Variants in GTF2A1L observed in about 807,000 individuals in gnomAD.
GTF2A1L encodes general transcription factor IIA subunit 1 like.
Under a neutral mutation model 49.7 loss-of-function variants are expected in GTF2A1L, and 48 were observed. That is an observed-to-expected ratio of 0.97 (90% CI 0.77 to 1.23). GTF2A1L has a LOEUF of 1.23. Ranked by LOEUF, GTF2A1L falls within the 50% of genes most tolerant of loss-of-function variation. The pLI is 0.00. For missense variants in GTF2A1L, 736 were observed against 564.8 expected (o/e 1.30, Z -3.07); for synonymous variants, 246 against 193.5 (o/e 1.27, Z -2.25).
At chr2:48,668,837 AAAATAAAT>A (rs10529379) in intron 6 of GTF2A1L, among the ~76,000 whole-genome samples, 6 of 150,444 alleles carry the variant, frequency 4.0e-5, no homozygotes, top group East Asian at 1.9e-4. Flanking sequence ...CCCGCCTCAA[AAAATAAAT>A]AAATAAATAA....
chr2:48,645,311 C>G (rs1006173002), intron 5 of GTF2A1L, among the ~76,000 whole-genome samples, 194 bp downstream of exon 5: 1 of 152,086 alleles, frequency 6.6e-6, no homozygotes, highest in Non-Finnish European at 1.5e-5. Context: ...CTGTACTAGG[C>G]CTGTCCTATA....
intron 8 of GTF2A1L, 105 bp from the exon 9 acceptor site, chr2:48,679,230 C>T: frequency 1.4e-6 from 2 of 1,409,324 alleles, no homozygotes; most frequent in Middle Eastern, 2.6e-4. Flanking sequence ...AATTTTAAGG[C>T]ACTCACATTT....
intron 8 of GTF2A1L, among the ~76,000 whole-genome samples, chr2:48,673,756 G>C (rs1679300683): frequency 6.6e-6 from 1 of 152,096 alleles, no homozygotes; most frequent in Non-Finnish European, 1.5e-5. Flanking sequence ...ATGATCTAAT[G>C]ACAATAAACT....
intron 7 of GTF2A1L, among the ~76,000 whole-genome samples, chr2:48,671,076 C>G (rs1448823932): frequency 6.6e-6 from 1 of 152,054 alleles, no homozygotes; most frequent in Admixed American, 6.6e-5. Context: ...CCTGCCTTGG[C>G]CTTTCAAAGT....
chr2:48,669,145 TCAAA>T (rs1679033480), intron 6 of GTF2A1L, among the ~76,000 whole-genome samples: 1 of 152,158 alleles, frequency 6.6e-6, no homozygotes, highest in African/African-American at 2.4e-5. Context: ...TTTCATCTTC[TCAAA>T]CAGAAACTCT....
chr2:48,667,493 C>T (rs1678918734), intron 6 of GTF2A1L, among the ~76,000 whole-genome samples: 1 of 152,170 alleles, frequency 6.6e-6, no homozygotes, highest in African/African-American at 2.4e-5. Context: ...TCAGCTTTTA[C>T]ATTATGGGCT....
rs1347586009 is a variant in GTF2A1L at position 48,625,234 on chromosome 2, C to T, written c.247+3944C>T. Among the ~76,000 whole-genome samples the T allele has an allele frequency of 2.8e-5, 4 of 143,822 alleles. 1 individual carries two copies. Among genetic ancestry groups the T allele is most frequent in the Non-Finnish European group, 6.3e-5 (4 of 63,792 alleles). The allele number at this position is 143,822 out of a possible 152,430, so 94.4% of individuals were successfully genotyped here. ...CTCACCAACACTTGTCGTCTCTTTT[C>T]TTTTTGGTAATAGCCATCCTAACAG... On this transcript the variant is annotated intron_variant, in intron 3 of 8. Coordinates refer to ENST00000403751, the MANE Select transcript of GTF2A1L (RefSeq NM_006872.5).
chr2:48,658,224 T>A (rs1279685248), intron 6 of GTF2A1L, among the ~76,000 whole-genome samples: 1 of 152,194 alleles, frequency 6.6e-6, no homozygotes, highest in Non-Finnish European at 1.5e-5. Flanking sequence ...TAGGATTGTT[T>A]ATAGTTTGAG....
chr2:48,620,745 C>G (rs555072768), intron 1 of GTF2A1L, 106 bp from the exon 2 acceptor site: 3 of 704,690 alleles, frequency 4.3e-6, no homozygotes, highest in African/African-American at 1.9e-5. Context: ...CCACCGCACT[C>G]CAGCCTGGGC....
intron 3 of GTF2A1L, among the ~76,000 whole-genome samples, chr2:48,642,149 A>G (rs1677230973): frequency 1.3e-5 from 2 of 152,296 alleles, no homozygotes; most frequent in Admixed American, 6.5e-5. Flanking sequence ...ATGGATTTCC[A>G]AAGTACAGTA....
chr2:48,671,632 G>T lies in GTF2A1L; in HGVS notation c.1281G>T (p.Val427=). 2 of 1,613,636 alleles carry T rather than the reference G, an allele frequency of 1.2e-6. No individual in the cohort carries two copies. Among genetic ancestry groups the T allele is most frequent in the Non-Finnish European group, 1.7e-6 (2 of 1,179,672 alleles). Residue 427 remains valine, a synonymous_variant, in exon 8 of 9, where the codon GTG becomes GTT. Transcript: ENST00000403751. ...GAGATGATGTTAGTGAACAGGATGT[G>T]CCAGACCTGTTTGACACGGATAATG... ...NSGDDVSEQD[V]PDLFDTDNVI...
chr2:48,644,058 C>G (rs1677359292), intron 4 of GTF2A1L, among the ~76,000 whole-genome samples: 1 of 152,028 alleles, frequency 6.6e-6, no homozygotes, highest in African/African-American at 2.4e-5. Context: ...GTAGTCCTGG[C>G]TACTTGAGAG....
intron 3 of GTF2A1L, among the ~76,000 whole-genome samples, chr2:48,640,943 T>G (rs1450333366): frequency 3.3e-5 from 5 of 152,158 alleles, no homozygotes; most frequent in African/African-American, 1.2e-4. Context: ...TGCATGAAAC[T>G]TCATTATAAA....
In GTF2A1L at chr2:48,646,925, C is replaced by G; in HGVS notation, c.861C>G (p.Leu287=). 1 of 1,614,166 alleles carries G rather than the reference C, an allele frequency of 6.2e-7. No homozygotes were observed. The highest frequency in any genetic ancestry group is 1.1e-5 in the South Asian group (1 of 91,092). Reference sequence around the variant, plus strand: ...TCTCCACAAGCCCTCATGGGGCTCTCCACCAGCACGTGACTGATATTCAGC... The same window carrying G: ...TCTCCACAAGCCCTCATGGGGCTCTGCACCAGCACGTGACTGATATTCAGC... The part of the protein sequence containing the change: ...ESLSTSPHGA[L]HQHVTDIQLH... Residue 287 remains leucine, a synonymous_variant, in exon 6 of 9, where the codon CTC becomes CTG. Transcript: ENST00000403751.
At chr2:48,661,282 G>A in intron 6 of GTF2A1L, among the ~76,000 whole-genome samples, 1 of 78,140 alleles carries the variant, frequency 1.3e-5, no homozygotes, top group Non-Finnish European at 2.2e-5. Context: ...TTTTGAGACA[G>A]TTTCACTCTG....
chr2:48,663,188 C>G (rs1322607759), intron 6 of GTF2A1L, among the ~76,000 whole-genome samples: 1 of 152,102 alleles, frequency 6.6e-6, no homozygotes, highest in Non-Finnish European at 1.5e-5. Flanking sequence ...AATCCCAGTA[C>G]TTTGGGAGGC....
At chr2:48,619,343 G>T (rs145725260) in intron 1 of GTF2A1L, among the ~76,000 whole-genome samples, 1 of 151,866 alleles carries the variant, frequency 6.6e-6, no homozygotes, top group Non-Finnish European at 1.5e-5. Context: ...GGTCGTGCAC[G>T]CCTGTAGTGC....
intron 3 of GTF2A1L, chr2:48,632,884 GA>G: frequency 4.1e-6 from 1 of 241,496 alleles, no homozygotes. Flanking sequence ...CATCTTTAAA[GA>G]AAATCATATA....
chr2:48,622,707 G>A lies in GTF2A1L; in HGVS notation c.247+1417G>A, dbSNP rs373549042. On this transcript the variant is annotated intron_variant, in intron 3 of 8. Transcript: ENST00000403751. The stretch of plus-strand genomic sequence containing the variant: ...AAATTAGCCAGGCGTGGTGGCTCAT[G>A]CCTGTAATCCTAGCTACTTGGGAGG... Among the ~76,000 whole-genome samples the A allele has an allele frequency of 8.5e-5, 13 of 152,140 alleles. No individual in the cohort carries two copies. In the East Asian group the frequency reaches 1.5e-3, roughly 18 times the overall value.
Sources: allele counts gnomAD v4.1 joint callset (sites outside exome capture counted in the v4.1 genomes callset), GRCh38; gene constraint gnomAD v4.1.1; transcripts MANE v1.5; gene names NCBI Gene and HGNC (gene_info 2026-07-23, HGNC 2026-07-21).